Variants in CDC26 observed in about 807,000 individuals in gnomAD.
The protein encoded by CDC26 is anaphase-promoting complex subunit CDC26.
In CDC26, 2 loss-of-function variants were observed where a neutral mutation model predicts 8.0. The observed-to-expected ratio is 0.25, with a 90% CI of 0.10 to 0.79. The LOEUF (loss-of-function observed/expected upper bound fraction) is 0.79, where lower values mean the gene tolerates loss of function less well. CDC26 is among the 30% of genes least tolerant of loss of function. The pLI is 0.70. For synonymous variants in CDC26, 19 were observed against 34.9 expected (o/e 0.55, Z 1.60); for missense variants, 68 against 106.0 (o/e 0.64, Z 1.57).
intron 3 of CDC26, 106 bp downstream of exon 3, chr9:113,272,321 G>A (rs1397232243): frequency 1.2e-6 from 1 of 815,690 alleles, no homozygotes; most frequent in African/African-American, 1.7e-5. Flanking sequence ...GGGAGGCTGA[G>A]GCAGAGGAGG....
intron 1 of CDC26, among the ~76,000 whole-genome samples, chr9:113,273,821 C>CAAAA (rs149642304): frequency 4.3e-4 from 23 of 53,264 alleles, no homozygotes; most frequent in African/African-American, 1.5e-3. Context: ...GACCCCAACT[C>CAAAA]AAAAAAAAAA....
intron 3 of CDC26, among the ~76,000 whole-genome samples, chr9:113,272,158 G>A (rs936895824): frequency 6.6e-6 from 1 of 152,056 alleles, no homozygotes; most frequent in Admixed American, 6.5e-5. Flanking sequence ...TGGCTCACGC[G>A]TGTAATCCCA....
intron 3 of CDC26, among the ~76,000 whole-genome samples, chr9:113,267,852 TGGC>T (rs1199392850): frequency 6.6e-6 from 1 of 152,104 alleles, no homozygotes; most frequent in Non-Finnish European, 1.5e-5. Context: ...CTGGGCATGG[TGGC>T]GCATGCCTGT....
chr9:113,271,509 G>A (rs1831956370), intron 3 of CDC26, among the ~76,000 whole-genome samples: 1 of 152,090 alleles, frequency 6.6e-6, no homozygotes, highest in Non-Finnish European at 1.5e-5. Context: ...AGACTGGAGT[G>A]ATACAGTCAT....
At chr9:113,273,603 C>T (rs1386482799) in intron 1 of CDC26, among the ~76,000 whole-genome samples, 165 bp from the exon 2 acceptor site, 1 of 151,974 alleles carries the variant, frequency 6.6e-6, no homozygotes, top group African/African-American at 2.4e-5. Context: ...TAGTTGACTT[C>T]TGAAGGTCAG....
Position 113,275,475 on chromosome 9 carries a change from T to C in CDC26, c.-245A>G, listed in dbSNP as rs1832052460. 2 of 479,224 alleles carry C rather than the reference T, an allele frequency of 4.2e-6. No homozygotes were observed. Among genetic ancestry groups the C allele is most frequent in the East Asian group, 3.5e-5 (1 of 28,190 alleles). 29.7% of individuals were successfully genotyped at this position (479,224 alleles called of 1,614,324 possible). A position where few individuals can be genotyped will look rare whatever the true frequency, so the allele number is the denominator to read the frequency against. On this transcript the variant is annotated 5_prime_UTR_variant, in exon 1 of 4. Coordinates refer to ENST00000374206, the MANE Select transcript of CDC26 (RefSeq NM_139286.4). The stretch of plus-strand genomic sequence containing the variant: ...AACTGGACTACACTTCCCAGACTGC[T>C]TGGAGCCTCTCTCTCCGCAGAACCT...
intron 3 of CDC26, 36 bp downstream of exon 3, chr9:113,272,386 GCGAGA>G (rs1232956558): frequency 6.9e-7 from 1 of 1,447,154 alleles, no homozygotes; most frequent in South Asian, 1.1e-5. Flanking sequence ...GTGTGACAGA[GCGAGA>G]CTCCATCTCA....
intron 3 of CDC26, among the ~76,000 whole-genome samples, chr9:113,270,201 A>G (rs1310241279): frequency 6.6e-6 from 1 of 152,220 alleles, no homozygotes; most frequent in Non-Finnish European, 1.5e-5. Flanking sequence ...AACACTGTGT[A>G]TAGGCACTGA....
rs1302752752 is a variant in CDC26, at chr9:113,269,579, T to C, written c.82-2140A>G. Among the ~76,000 whole-genome samples, 3 of 152,326 alleles carry C rather than the reference T, an allele frequency of 2.0e-5. No homozygotes were observed. The South Asian group carries it at 6.2e-4, about 32-fold the overall frequency. On this transcript the variant is annotated intron_variant, in intron 3 of 3. Transcript: ENST00000374206. ...ACTGTCCCTGCTTCCTAAGTTACTCTAAAACAAGGTAAAACCCACTAGATA... is the reference window on the plus strand; with the variant it reads ...ACTGTCCCTGCTTCCTAAGTTACTCCAAAACAAGGTAAAACCCACTAGATA...
chr9:113,269,722 T>C (rs1386010846), intron 3 of CDC26, among the ~76,000 whole-genome samples: 3 of 152,360 alleles, frequency 2.0e-5, no homozygotes, highest in East Asian at 1.9e-4. Context: ...TTAAAGCTCA[T>C]GCTTAATAAT....
At chr9:113,274,257 G>A (rs1396534498) in intron 1 of CDC26, among the ~76,000 whole-genome samples, 2 of 152,070 alleles carry the variant, frequency 1.3e-5, no homozygotes, top group Non-Finnish European at 2.9e-5. Flanking sequence ...AATGATGGAA[G>A]TGAAAACTCC....
intron 3 of CDC26, among the ~76,000 whole-genome samples, chr9:113,270,172 G>A (rs570134625): frequency 4.4e-4 from 67 of 152,268 alleles, no homozygotes; most frequent in Middle Eastern, 3.4e-3. Flanking sequence ...GAAAAAGAAA[G>A]GGCTTTTCTG....
chr9:113,274,954 C>T (rs946977589), intron 1 of CDC26, among the ~76,000 whole-genome samples: 4 of 152,168 alleles, frequency 2.6e-5, no homozygotes, highest in Non-Finnish European at 5.9e-5. Flanking sequence ...CAGCATCCAG[C>T]AGGGCAGAGA....
chr9:113,275,514 CT>C lies in CDC26; in HGVS notation c.-285del. On this transcript the variant is annotated 5_prime_UTR_variant, in exon 1 of 4. Transcript: ENST00000374206. ...TCCGCAGAACCTCGTCTTCCGCGAG[CT>C]TTTCCTGGAGGTTCTAGGAGGGATG... The C allele has an allele frequency of 2.0e-6, 1 of 488,142 alleles. No individual in the cohort carries two copies. The highest frequency in any genetic ancestry group is 3.7e-6 in the Non-Finnish European group (1 of 271,966). 30.2% of individuals were successfully genotyped at this position (488,142 alleles called of 1,614,324 possible).
At chr9:113,274,919 C>T (rs796869318) in intron 1 of CDC26, among the ~76,000 whole-genome samples, 4 of 152,140 alleles carry the variant, frequency 2.6e-5, no homozygotes, top group African/African-American at 9.7e-5. Context: ...GGATAAAAAC[C>T]TTATCCTGTT....
chr9:113,270,451 C>T (rs1831935520), intron 3 of CDC26, among the ~76,000 whole-genome samples: 1 of 151,984 alleles, frequency 6.6e-6, no homozygotes, highest in Non-Finnish European at 1.5e-5. Flanking sequence ...TTTCTGCAAT[C>T]AACGTCCCTA....
intron 3 of CDC26, among the ~76,000 whole-genome samples, chr9:113,268,088 CAG>C (rs149063144): frequency 1.3e-5 from 2 of 152,086 alleles, no homozygotes; most frequent in East Asian, 1.9e-4. Context: ...TGACCTATGA[CAG>C]AGAGAAGTCT....
At chr9:113,274,328 A>C (rs1832017833) in intron 1 of CDC26, among the ~76,000 whole-genome samples, 3 of 152,228 alleles carry the variant, frequency 2.0e-5, no homozygotes, top group South Asian at 2.1e-4. Context: ...AGGACTGTGA[A>C]GTATACAAAG....
At chr9:113,273,688 TA>T (rs1382835453) in intron 1 of CDC26, among the ~76,000 whole-genome samples, 1 of 150,754 alleles carries the variant, frequency 6.6e-6, no homozygotes, top group African/African-American at 2.4e-5. Flanking sequence ...TACAAAAAAG[TA>T]AAAAAAATAG....
Sources: gnomAD v4.1 joint callset for allele counts (sites outside exome capture counted in the v4.1 genomes callset) on GRCh38, gnomAD v4.1.1 for gene constraint, MANE v1.5 for transcripts, NCBI Gene and HGNC (gene_info 2026-07-23, HGNC 2026-07-21) for gene names.